The following TNRC6A variants were observed in gnomAD, a reference collection of about 807,000 sequenced individuals.
TNRC6A encodes the protein trinucleotide repeat containing adaptor 6A, also known as trinucleotide repeat-containing gene 6A protein.
In TNRC6A, 44 loss-of-function variants were observed where a neutral mutation model predicts 221.2. The ratio of observed to expected loss-of-function variants is 0.20; its 90% CI spans 0.16 to 0.26. The LOEUF is 0.26. TNRC6A is among the 10% of genes least tolerant of loss of function. The probability of loss-of-function intolerance (pLI) is 1.00; values close to 1 mark genes in which losing one functional copy is unlikely to be tolerated. For missense variants in TNRC6A, 2,199 were observed against 2,404.4 expected (o/e 0.91, Z 1.79); for synonymous variants, 847 against 838.5 (o/e 1.01, Z -0.18).
At chr16:24,784,795 A>G (rs1168794301) in intron 5 of TNRC6A, among the ~76,000 whole-genome samples, 2 of 152,236 alleles carry the variant, frequency 1.3e-5, no homozygotes, top group African/African-American at 4.8e-5. Flanking sequence ...AAACCGGGTC[A>G]TGACCAGAAT....
chr16:24,792,613 CTTTTTTT>C (rs34670934), intron 6 of TNRC6A, among the ~76,000 whole-genome samples: 20 of 56,524 alleles, frequency 3.5e-4, no homozygotes, highest in East Asian at 2.7e-3. Context: ...ACATTTATGG[CTTTTTTT>C]TTTTTTTTTT....
chr16:24,733,236 A>G (rs1047746694), intron 2 of TNRC6A, among the ~76,000 whole-genome samples: 4 of 152,226 alleles, frequency 2.6e-5, no homozygotes, highest in East Asian at 3.9e-4. Context: ...TTTTAATAAC[A>G]TGGAAGCCTA....
intron 1 of TNRC6A, among the ~76,000 whole-genome samples, chr16:24,618,437 A>G (rs1900489328): frequency 6.6e-6 from 1 of 152,110 alleles, no homozygotes; most frequent in South Asian, 2.1e-4. Context: ...TATGGTGTAA[A>G]TATAATTATG....
intron 2 of TNRC6A, among the ~76,000 whole-genome samples, chr16:24,647,633 A>G (rs1244280421): frequency 6.6e-6 from 1 of 152,104 alleles, no homozygotes; most frequent in Non-Finnish European, 1.5e-5. Context: ...ACCCCATTAA[A>G]CACTAACTCC....
At chr16:24,666,469 CT>C in intron 2 of TNRC6A, among the ~76,000 whole-genome samples, 1 of 105,244 alleles carries the variant, frequency 9.5e-6, no homozygotes. Context: ...AAGACTCCGT[CT>C]CAAAAAAAAA....
intron 2 of TNRC6A, among the ~76,000 whole-genome samples, chr16:24,724,448 T>C (rs1031149796): frequency 1.3e-5 from 2 of 152,158 alleles, no homozygotes; most frequent in Admixed American, 1.3e-4. Flanking sequence ...TTTAGTTAAA[T>C]AAGATAAATA....
chr16:24,773,718 A>C (rs1258434456), intron 4 of TNRC6A, among the ~76,000 whole-genome samples: 1 of 151,988 alleles, frequency 6.6e-6, no homozygotes, highest in African/African-American at 2.4e-5. Flanking sequence ...TTAATTGCTC[A>C]TATCTTTTTA....
intron 4 of TNRC6A, among the ~76,000 whole-genome samples, chr16:24,769,879 G>A (rs1335628491): frequency 6.6e-6 from 1 of 152,154 alleles, no homozygotes. Flanking sequence ...CTTTGTGTAT[G>A]CTTGGCAATT....
At chr16:24,815,124 C>G (rs778926772) in intron 18 of TNRC6A, 23 bp from the exon 19 acceptor site, 21 of 1,600,890 alleles carry the variant, frequency 1.3e-5, no homozygotes, top group Non-Finnish European at 1.6e-5. Context: ...GCTCACATTT[C>G]TCTATTATTC....
chr16:24,768,226 T>C (rs2057515131), intron 4 of TNRC6A, among the ~76,000 whole-genome samples: 1 of 151,694 alleles, frequency 6.6e-6, no homozygotes, highest in South Asian at 2.1e-4. Context: ...GGTCAGGAGA[T>C]TGAGACCATC....
rs1449313538 is a variant in TNRC6A at position 24,729,669 on chromosome 16, G to T, written c.-173G>T. 3.1e-6 allele frequency: 2 copies of T among 634,940 alleles called. No individual in the cohort carries two copies. Among genetic ancestry groups the T allele is most frequent in the Non-Finnish European group, 4.4e-6 (2 of 454,178 alleles). The allele number at this position is 634,940 out of a possible 1,614,324, so 39.3% of individuals were successfully genotyped here. A position where few individuals can be genotyped will look rare whatever the true frequency, so the allele number is the denominator to read the frequency against. ...GGCATTCACTTCCGGTCTGGGGCCT[G>T]CGGCGGCGGCGGTGTCGGCGGCGGC... On this transcript the variant is annotated 5_prime_UTR_variant, in exon 1 of 25. Coordinates refer to ENST00000395799, the MANE Select transcript of TNRC6A (RefSeq NM_014494.4).
intron 4 of TNRC6A, among the ~76,000 whole-genome samples, chr16:24,766,034 G>C (rs529666435): frequency 8.5e-5 from 13 of 152,274 alleles, no homozygotes; most frequent in African/African-American, 2.4e-4. Context: ...CAGGACAAAG[G>C]AAACAGGAAG....
At chr16:24,722,757 G>A (rs1052532549) in intron 2 of TNRC6A, among the ~76,000 whole-genome samples, 3 of 151,948 alleles carry the variant, frequency 2.0e-5, no homozygotes, top group Non-Finnish European at 4.4e-5. Context: ...TATTGTATAC[G>A]AATTATACCA....
In TNRC6A at chr16:24,770,444, A is replaced by G. The variant is rs1475750532; in HGVS notation, c.164-6489A>G. On this transcript the variant is annotated intron_variant, in intron 4 of 24. Transcript: ENST00000395799. Reference sequence around the variant, plus strand: ...CCCATTAGGAGGTTTTTGTGAGAGTAAATTGTTGAGGGCCTAAATCAAAGA... The same window carrying G: ...CCCATTAGGAGGTTTTTGTGAGAGTGAATTGTTGAGGGCCTAAATCAAAGA... Among the ~76,000 whole-genome samples the G allele has an allele frequency of 2.0e-5, 3 of 152,132 alleles. No homozygotes were observed. In the East Asian group the frequency reaches 5.8e-4, roughly 29 times the overall value.
At chr16:24,808,341 A>G (rs2058476077) in intron 17 of TNRC6A, among the ~76,000 whole-genome samples, 1 of 152,254 alleles carries the variant, frequency 6.6e-6, no homozygotes. Flanking sequence ...CAATACAGTT[A>G]TCTAAGTTCG....
chr16:24,815,782 G>A (rs2058644769), intron 19 of TNRC6A: 1 of 170,614 alleles, frequency 5.9e-6, no homozygotes, highest in Non-Finnish European at 1.3e-5. Context: ...GAACCCGGGA[G>A]GCAGAGCTTG....
At chr16:24,639,399 A>G (rs4788420) in intron 1 of TNRC6A, among the ~76,000 whole-genome samples, 142,706 of 152,118 alleles carry the variant, frequency 0.94, 67,231 homozygotes, top group African/African-American at 0.99. Context: ...AAGCTGACGT[A>G]GGAGGATCTC....
In TNRC6A at chr16:24,789,614, T is replaced by C; in HGVS notation, c.972T>C (p.Cys324=). The C allele has an allele frequency of 6.2e-7, 1 of 1,614,110 alleles. No individual in the cohort carries two copies. The change falls in exon 6 of 25, where the codon TGT becomes TGC. Residue 324 remains cysteine (C), a synonymous_variant. Coordinates refer to ENST00000395799, the MANE Select transcript of TNRC6A (RefSeq NM_014494.4). Reference sequence around the variant, plus strand: ...CCCATGGAGCCATAATAAGCACATGTCAGGTCTCTGTGGATGCTCCTGAAA... The same window carrying C: ...CCCATGGAGCCATAATAAGCACATGCCAGGTCTCTGTGGATGCTCCTGAAA... ...GFSHGAIIST[C]QVSVDAPESK... is the part of the protein sequence containing the mutation.
intron 2 of TNRC6A, among the ~76,000 whole-genome samples, chr16:24,701,067 T>C (rs1205188962): frequency 6.6e-6 from 1 of 152,202 alleles, no homozygotes; most frequent in Non-Finnish European, 1.5e-5. Context: ...GAACATTCAG[T>C]TCTGGGAGGA....
Sources: allele counts gnomAD v4.1 joint callset (sites outside exome capture counted in the v4.1 genomes callset), GRCh38; gene constraint gnomAD v4.1.1; transcripts MANE v1.5; gene names NCBI Gene and HGNC (gene_info 2026-07-23, HGNC 2026-07-21).